CCNI2: variants seen among roughly 807,000 people sequenced by gnomAD.
CCNI2 encodes cyclin-I2.
CCNI2 carries 32 observed loss-of-function variants against 33.2 expected under a neutral mutation model. That is an observed-to-expected ratio of 0.96 (90% confidence interval 0.73 to 1.30). The LOEUF is 1.30. Ranked by LOEUF, CCNI2 falls within the 50% of genes most tolerant of loss-of-function variation. The pLI is 0.00. For missense variants in CCNI2, 452 were observed against 486.2 expected, an observed-to-expected ratio of 0.93 and a Z score of 0.66; for synonymous variants, 231 against 219.9, an observed-to-expected ratio of 1.05 and a Z score of -0.45.
intron 3 of CCNI2, 175 bp from the exon 4 acceptor site, chr5:132,750,682 A>C: frequency 1.6e-6 from 1 of 617,946 alleles, no homozygotes; most frequent in Middle Eastern, 4.4e-4. Flanking sequence ...TAACTACCTG[A>C]GGATTTGACA....
At chr5:132,755,920 A>G, downstream of CCNI2, 1 of 961,056 alleles carries the variant, frequency 1.0e-6, no homozygotes, top group Non-Finnish European at 1.2e-6. Flanking sequence ...GACAAGCTGT[A>G]TTTTACCACA....
downstream of CCNI2, chr5:132,754,491 G>A (rs112739008): frequency 2.9e-4 from 211 of 717,478 alleles, no homozygotes; most frequent in Middle Eastern, 2.1e-3. Flanking sequence ...GATGTGAGCT[G>A]GATTCTGAGA....
intron 5 of CCNI2, 132 bp downstream of exon 5, chr5:132,752,328 T>A (rs1581123307): frequency 1.8e-6 from 2 of 1,102,474 alleles, no homozygotes; most frequent in East Asian, 5.2e-5. Flanking sequence ...GGAAAGAGTC[T>A]GCCCAAAGGC....
At chr5:132,754,563 G>A (rs773780775), downstream of CCNI2, 9 of 716,446 alleles carry the variant, frequency 1.3e-5, no homozygotes, top group Admixed American at 2.0e-5. Flanking sequence ...CTAGGACTGG[G>A]GTAAGAGACA....
chr5:132,750,638 G>A (rs112116882), intron 3 of CCNI2, among the ~76,000 whole-genome samples: 17 of 152,258 alleles, frequency 1.1e-4, no homozygotes, highest in African/African-American at 2.4e-4. Context: ...ATCAAGACCC[G>A]GTTTCAGAGG....
At chr5:132,748,314 C>T in intron 1 of CCNI2, 33 bp from the exon 2 acceptor site, 2 of 1,611,866 alleles carry the variant, frequency 1.2e-6, no homozygotes, top group Non-Finnish European at 1.7e-6. Flanking sequence ...CGCTAGCGAC[C>T]TTCCTCGCCC....
chr5:132,747,636 T>A lies in CCNI2; in HGVS notation c.141T>A (p.Pro47=). 1 of 1,502,962 alleles carries A rather than the reference T, an allele frequency of 6.7e-7. No individual in the cohort carries two copies. Among genetic ancestry groups the A allele is most frequent in the African/African-American group, 1.4e-5 (1 of 69,178 alleles). 93.1% of individuals were successfully genotyped at this position (1,502,962 alleles called of 1,614,324 possible). A position where few individuals can be genotyped will look rare whatever the true frequency, so the allele number is the denominator to read the frequency against. The change falls in exon 1 of 6, where the codon CCT becomes CCA. Residue 47 remains proline, a synonymous_variant. Transcript: ENST00000378731. The surrounding 1 kb of genome is among the most constrained non-coding windows in gnomAD (Gnocchi z 4.1). The part of the protein sequence containing the change: ...VPLPPSPGEA[P]LPRSNRSRCP... ...TCCCGCCGTCTCCGGGGGAGGCCCC[T>A]CTGCCCCGAAGCAACCGGAGCAGGT...
intron 5 of CCNI2, 75 bp downstream of exon 5, chr5:132,752,271 T>C: frequency 6.9e-7 from 1 of 1,450,956 alleles, no homozygotes; most frequent in Non-Finnish European, 9.3e-7. Context: ...CCCAAAGGGG[T>C]ACCCTTTGCC....
At chr5:132,750,368 GGTTGAAGGAAATGT>G (rs1754756856) in intron 3 of CCNI2, among the ~76,000 whole-genome samples, 1 of 152,118 alleles carries the variant, frequency 6.6e-6, no homozygotes, top group Non-Finnish European at 1.5e-5. Flanking sequence ...CTTCAATCAA[GGTTGAAGGAAATGT>G]GTTTGCAGTT....
chr5:132,752,839 G>A (rs2149942877), intron 5 of CCNI2, 27 bp from the exon 6 acceptor site: 1 of 1,582,804 alleles, frequency 6.3e-7, no homozygotes, highest in South Asian at 1.1e-5. Context: ...GGTTCTGCTT[G>A]AAGATGGCCA....
In CCNI2 at chr5:132,747,481, G is replaced by A. The variant is rs1754638374; in HGVS notation, c.-15G>A. ...GGGTTAAGCGGCAACTCAGACTCAG[G>A]ATCCCGCTCACGACATGGCCTCGGG... is the stretch of plus-strand genomic sequence containing the variant. On this transcript the variant is annotated 5_prime_UTR_variant, in exon 1 of 6. Transcript: ENST00000378731. The surrounding 1 kb of genome is among the most constrained non-coding windows in gnomAD (Gnocchi z 4.1). 2 of 1,445,332 alleles carry A rather than the reference G, an allele frequency of 1.4e-6. No individual in the cohort carries two copies. Among genetic ancestry groups the A allele is most frequent in the Non-Finnish European group, 1.8e-6 (2 of 1,105,118 alleles). 89.5% of individuals were successfully genotyped at this position (1,445,332 alleles called of 1,614,324 possible). A position where few individuals can be genotyped will look rare whatever the true frequency, so the allele number is the denominator to read the frequency against.
In CCNI2 at chr5:132,752,119, G is replaced by GAGAGC; in HGVS notation, c.928_929insAGAGC (p.Val310GlufsTer7). The stretch of plus-strand genomic sequence containing the variant: ...GTTCAAGGGCTCCACACTGGCCTTG[G>GAGAGC]TCATCATCACCTTAGAGCTGGAGAG... On this transcript the variant is annotated frameshift_variant, in exon 5 of 6. Coordinates refer to ENST00000378731, the MANE Select transcript of CCNI2 (RefSeq NM_001039780.4). LOFTEE classifies it high-confidence loss of function. The GAGAGC allele has an allele frequency of 3.8e-6, 6 of 1,598,768 alleles. No homozygotes were observed. The highest frequency in any genetic ancestry group is 5.1e-6 in the Non-Finnish European group (6 of 1,172,180).
downstream of CCNI2, chr5:132,754,594 A>G (rs946625328): frequency 5.6e-6 from 4 of 710,186 alleles, no homozygotes; most frequent in African/African-American, 7.0e-5. Flanking sequence ...CTGGCTTTCT[A>G]TAAATGATAG....
At chr5:132,749,263 T>A in intron 2 of CCNI2, 85 bp from the exon 3 acceptor site, 1 of 1,132,688 alleles carries the variant, frequency 8.8e-7, no homozygotes, top group Non-Finnish European at 1.3e-6. Context: ...GTCAAAAAAG[T>A]GTATAAAAGA....
rs139132612 is a variant in CCNI2 at position 132,750,398 on chromosome 5, G to A, written c.634-459G>A. Among the ~76,000 whole-genome samples, 41 of 152,290 alleles carry A rather than the reference G, an allele frequency of 2.7e-4. No homozygotes were observed. In the East Asian group the frequency reaches 6.6e-3, roughly 24 times the overall value. Reference sequence around the variant, plus strand: ...AAGGAAATGTGTTTGCAGTTGCGATGCTAAAAAACCCATAGGAGGTTTTAT... The same window carrying A: ...AAGGAAATGTGTTTGCAGTTGCGATACTAAAAAACCCATAGGAGGTTTTAT... On this transcript the variant is annotated intron_variant, in intron 3 of 5. Transcript: ENST00000378731.
At position 132,747,534 on chromosome 5, in the gene CCNI2, C is replaced by T. The variant is rs201568288; in HGVS notation, c.39C>T (p.Ser13=). ...CTCAGCTCCCGCCGCAGCCGTCGAG[C>T]TCAGAGGTCAGCGCCGTCCAGAGCC... ...SGAQLPPQPS[S]SEVSAVQSPG... Residue 13 remains serine, a synonymous_variant, in exon 1 of 6, where the codon AGC becomes AGT. Coordinates refer to ENST00000378731, the MANE Select transcript of CCNI2 (RefSeq NM_001039780.4). This position sits in a 1 kb window ranked among gnomAD's most constrained non-coding sequence, Gnocchi z 4.1. 11 of 1,506,224 alleles carry T rather than the reference C, an allele frequency of 7.3e-6. No homozygotes were observed. In the East Asian group the frequency reaches 2.8e-4, roughly 38 times the overall value. 93.3% of individuals were successfully genotyped at this position (1,506,224 alleles called of 1,614,324 possible).
chr5:132,748,238 C>T (rs1485286275), intron 1 of CCNI2, 109 bp from the exon 2 acceptor site: 2 of 1,459,470 alleles, frequency 1.4e-6, no homozygotes, highest in Non-Finnish European at 9.2e-7. Context: ...GAGGAAGGGA[C>T]TTCTCACTGC....
chr5:132,751,766 TGGTCCC>T, intron 4 of CCNI2, 194 bp from the exon 5 acceptor site: 1 of 608,260 alleles, frequency 1.6e-6, no homozygotes, highest in Non-Finnish European at 2.8e-6. Context: ...TTTTTTTTTT[TGGTCCC>T]GGAGTGGAAG....
At chr5:132,752,445 A>G (rs776193699) in intron 5 of CCNI2, among the ~76,000 whole-genome samples, 4 of 152,140 alleles carry the variant, frequency 2.6e-5, no homozygotes, top group African/African-American at 7.2e-5. Context: ...CTTTATCTCA[A>G]TGGGAGCCCT....
Sources: gnomAD v4.1 joint callset for allele counts (sites outside exome capture counted in the v4.1 genomes callset) on GRCh38, gnomAD v4.1.1 for gene constraint, Gnocchi (gnomAD v3.1) non-coding constraint, MANE v1.5 for transcripts, NCBI Gene and HGNC (gene_info 2026-07-23, HGNC 2026-07-21) for gene names.